The following MAL2 variants were observed in gnomAD, a reference collection of about 807,000 sequenced individuals.
The protein encoded by MAL2 is mal, T cell differentiation protein 2.
A neutral mutation model predicts 18.1 loss-of-function variants in MAL2; 17 were observed. That is an observed-to-expected ratio of 0.94 (90% CI 0.64 to 1.41). The LOEUF is 1.41. Among genes scored for constraint, MAL2 ranks in the 40% most tolerant of loss-of-function variants. MAL2 has a pLI of 0.00. For missense variants in MAL2, 222 were observed against 231.9 expected, an observed-to-expected ratio of 0.96 and a Z score of 0.28; for synonymous variants, 102 against 102.3, an observed-to-expected ratio of 1.00 and a Z score of 0.02.
chr8:119,221,896 T>C (rs1817470990), intron 2 of MAL2, 139 bp downstream of exon 2: 4 of 893,902 alleles, frequency 4.5e-6, no homozygotes, highest in Non-Finnish European at 6.6e-6. Flanking sequence ...GCTGTGGTGC[T>C]GCGGTGGTGT....
intron 2 of MAL2, among the ~76,000 whole-genome samples, chr8:119,227,405 A>G (rs1817617854): frequency 6.6e-6 from 1 of 152,190 alleles, no homozygotes; most frequent in Non-Finnish European, 1.5e-5. Context: ...CCAGAATGAT[A>G]CGCTCTACAA....
At chr8:119,240,865 T>G (rs1818033597) in intron 3 of MAL2, among the ~76,000 whole-genome samples, 1 of 152,146 alleles carries the variant, frequency 6.6e-6, no homozygotes, top group Non-Finnish European at 1.5e-5. Flanking sequence ...TGAAATATAT[T>G]CCTTGGGGTA....
intron 2 of MAL2, among the ~76,000 whole-genome samples, chr8:119,226,186 T>C (rs1279591661): frequency 1.3e-5 from 2 of 152,170 alleles, no homozygotes; most frequent in Admixed American, 1.3e-4. Flanking sequence ...CCATTGCTTT[T>C]GGTGTTTTAG....
At chr8:119,226,170 G>T (rs1415331739) in intron 2 of MAL2, among the ~76,000 whole-genome samples, 1 of 152,068 alleles carries the variant, frequency 6.6e-6, no homozygotes, top group African/African-American at 2.4e-5. Flanking sequence ...ATTTTGGCTT[G>T]TGTTGCCATT....
intron 2 of MAL2, among the ~76,000 whole-genome samples, chr8:119,237,051 C>A (rs564292908): frequency 5.9e-5 from 9 of 151,842 alleles, no homozygotes; most frequent in African/African-American, 2.2e-4. Context: ...GCTAGCAAGA[C>A]TAATAAAGAA....
intron 1 of MAL2, among the ~76,000 whole-genome samples, chr8:119,212,438 A>G (rs890221643): frequency 3.9e-5 from 6 of 152,194 alleles, no homozygotes; most frequent in Non-Finnish European, 5.9e-5. Flanking sequence ...TCATTTACTC[A>G]GCTTATAATT....
At chr8:119,228,047 A>G (rs188619494) in intron 2 of MAL2, among the ~76,000 whole-genome samples, 9 of 152,158 alleles carry the variant, frequency 5.9e-5, no homozygotes, top group Admixed American at 2.0e-4. Flanking sequence ...GAAGACCTCA[A>G]GTAGATCACC....
intron 3 of MAL2, among the ~76,000 whole-genome samples, chr8:119,242,092 C>A (rs972161004): frequency 2.0e-5 from 3 of 152,098 alleles, no homozygotes; most frequent in Non-Finnish European, 2.9e-5. Flanking sequence ...ACTTCCAGTC[C>A]CTTCATTTTA....
chr8:119,226,503 C>T (rs1485816683), intron 2 of MAL2, among the ~76,000 whole-genome samples: 9 of 95,104 alleles, frequency 9.5e-5, no homozygotes, highest in Non-Finnish European at 1.4e-4. Context: ...CACTTGCGGG[C>T]GGGGGGTGGG....
intron 2 of MAL2, among the ~76,000 whole-genome samples, chr8:119,226,031 A>C (rs1317410863): frequency 6.6e-6 from 1 of 152,078 alleles, no homozygotes; most frequent in African/African-American, 2.4e-5. Flanking sequence ...TTGTCAGATG[A>C]GTAGATTGCA....
At chr8:119,233,854 C>T (rs191075816) in intron 2 of MAL2, among the ~76,000 whole-genome samples, 1 of 152,122 alleles carries the variant, frequency 6.6e-6, no homozygotes, top group Non-Finnish European at 1.5e-5. Flanking sequence ...GATACCAAAG[C>T]CGGGAAGAGA....
intron 1 of MAL2, among the ~76,000 whole-genome samples, chr8:119,217,328 A>C (rs1382978941): frequency 6.6e-6 from 1 of 152,234 alleles, no homozygotes; most frequent in African/African-American, 2.4e-5. Flanking sequence ...ACTGCAACTC[A>C]GAATATATTT....
intron 2 of MAL2, among the ~76,000 whole-genome samples, chr8:119,229,525 C>T (rs956479252): frequency 6.6e-5 from 10 of 152,068 alleles, no homozygotes; most frequent in Admixed American, 6.5e-5. Flanking sequence ...GTTGGCTAGG[C>T]TGGTCTCAAA....
chr8:119,240,214 T>C lies in MAL2; in HGVS notation c.353T>C (p.Leu118Ser). 6.2e-7 allele frequency: 1 copy of C among 1,613,840 alleles called. No homozygotes were observed. Among genetic ancestry groups the C allele is most frequent in the Non-Finnish European group, 8.5e-7 (1 of 1,179,836 alleles). The change falls in exon 3 of 4, where the codon TTA becomes TCA. Residue 118 changes from leucine to serine, a missense_variant. Transcript: ENST00000614891. ...TVFVFYFGAF[L>S]LEAAATSLHD... Reference sequence around the variant, plus strand: ...TTTGTCTTCTATTTTGGAGCCTTTTTATTGGAAGCAGCAGCCACATCCCTG... The same window carrying C: ...TTTGTCTTCTATTTTGGAGCCTTTTCATTGGAAGCAGCAGCCACATCCCTG...
At chr8:119,241,215 T>A (rs1479677557) in intron 3 of MAL2, among the ~76,000 whole-genome samples, 1 of 152,158 alleles carries the variant, frequency 6.6e-6, no homozygotes, top group South Asian at 2.1e-4. Flanking sequence ...ACTGGCTTCA[T>A]GTGGCTATTG....
chr8:119,241,378 A>C (rs1818044520), intron 3 of MAL2, among the ~76,000 whole-genome samples: 1 of 152,020 alleles, frequency 6.6e-6, no homozygotes, highest in South Asian at 2.1e-4. Context: ...AGGAAAAAAA[A>C]CAGAATAAAG....
intron 2 of MAL2, among the ~76,000 whole-genome samples, chr8:119,235,522 G>A (rs555207596): frequency 1.5e-5 from 2 of 131,656 alleles, no homozygotes; most frequent in African/African-American, 5.2e-5. Context: ...TGAAATGAAG[G>A]AAAAAATGTT....
chr8:119,226,735 A>G (rs1396702235), intron 2 of MAL2, among the ~76,000 whole-genome samples: 2 of 152,246 alleles, frequency 1.3e-5, no homozygotes, highest in African/African-American at 4.8e-5. Context: ...CCTGGCCAGA[A>G]GAGCAGCAGC....
chr8:119,216,376 T>TA (rs979124840), intron 1 of MAL2, among the ~76,000 whole-genome samples: 4 of 152,198 alleles, frequency 2.6e-5, no homozygotes, highest in African/African-American at 9.6e-5. Context: ...TAACACTTAT[T>TA]AACTATATAA....
Sources: allele counts gnomAD v4.1 joint callset (sites outside exome capture counted in the v4.1 genomes callset), GRCh38; gene constraint gnomAD v4.1.1; transcripts MANE v1.5; gene names NCBI Gene and HGNC (gene_info 2026-07-23, HGNC 2026-07-21).